GALE: variants seen among roughly 807,000 people sequenced by gnomAD.
GALE encodes UDP-galactose-4-epimerase, also known as UDP-glucose 4-epimerase.
A neutral mutation model predicts 44.1 loss-of-function variants in GALE; 32 were observed. The ratio of observed to expected loss-of-function variants is 0.73; its 90% CI spans 0.55 to 0.97. The LOEUF (loss-of-function observed/expected upper bound fraction) is 0.97, where lower values mean the gene tolerates loss of function less well. GALE is among the 50% of genes least tolerant of loss of function. The pLI is 0.00. For synonymous variants in GALE, 182 were observed against 183.5 expected, an observed-to-expected ratio of 0.99 and a Z score of 0.06; for missense variants, 423 against 455.6, an observed-to-expected ratio of 0.93 and a Z score of 0.65.
Position 23,796,739 on chromosome 1 carries a change from G to A in GALE, c.753C>T (p.His251=), listed in dbSNP as rs766024842. ...YIHVVDLAKG[H]IAALRKLKEQ... The stretch of plus-strand genomic sequence containing the variant: ...CTTTCAGCTTCCTTAAGGCTGCAAT[G>A]TGGCCCTTGGCCAGATCCACGACAT... The change falls in exon 9 of 12, where the codon CAC becomes CAT. Residue 251 remains histidine, a synonymous_variant. Transcript: ENST00000617979. This position sits in a 1 kb window ranked among gnomAD's most constrained non-coding sequence, Gnocchi z 5.2. 1.8e-5 allele frequency: 29 copies of A among 1,612,634 alleles called. No homozygotes were observed. In the South Asian group the frequency reaches 2.9e-4, roughly 16 times the overall value.
At position 23,797,883 on chromosome 1, in the gene GALE, G is replaced by C. The variant is rs1639011125; in HGVS notation, c.352-12C>G. The stretch of plus-strand genomic sequence containing the variant: ...TGGGCCTTCATGATCTGGCCGTGGA[G>C]AGATGGCATCAGTGACCTCTGCCTC... On this transcript the variant is annotated splice_polypyrimidine_tract_variant and intron_variant, in intron 5 of 11. Coordinates refer to ENST00000617979, the MANE Select transcript of GALE (RefSeq NM_001008216.2). 2 of 1,613,944 alleles carry C rather than the reference G, an allele frequency of 1.2e-6. No homozygotes were observed. Among genetic ancestry groups the C allele is most frequent in the South Asian group, 2.2e-5 (2 of 91,086 alleles).
At chr1:23,797,602 T>A (rs1639000589) in intron 6 of GALE, 93 bp downstream of exon 6, 3 of 1,207,490 alleles carry the variant, frequency 2.5e-6, no homozygotes, top group African/African-American at 1.5e-5. Context: ...TCCTCCTTAG[T>A]GGGGGTGTTC....
In GALE at chr1:23,797,651, T is replaced by TC. The variant is rs757681527; in HGVS notation, c.528+43dup. On this transcript the variant is annotated intron_variant, in intron 6 of 11. Transcript: ENST00000617979. The stretch of plus-strand genomic sequence containing the variant: ...TGGGCTCAGGGTGGGCCCTGAGGAG[T>TC]CCATCGATCAGTGGAGCCAGGGCAC... 6 of 1,589,628 alleles carry TC rather than the reference T, an allele frequency of 3.8e-6. No homozygotes were observed. The South Asian group carries it at 6.6e-5, about 18-fold the overall frequency.
chr1:23,800,737 T>A lies in GALE; in HGVS notation c.-102A>T, dbSNP rs1198892973. ...CTGCTCGGGTTCCCGCGCCCCACGC[T>A]TGCTGCAGAGGCACCGCCTCCTACG... is the stretch of plus-strand genomic sequence containing the variant. On this transcript the variant is annotated 5_prime_UTR_variant, in exon 1 of 12. The change creates a new upstream start codon in the 5' untranslated region. Transcript: ENST00000617979. 1.3e-5 allele frequency: 2 copies of A among 152,128 alleles called. No homozygotes were observed. The highest frequency in any genetic ancestry group is 3.9e-4 in the East Asian group (2 of 5,162). 9.4% of individuals were successfully genotyped at this position (152,128 alleles called of 1,614,324 possible).
Position 23,798,765 on chromosome 1 carries a change from A to G in GALE, c.122-35T>C. 6.2e-7 allele frequency: 1 copy of G among 1,604,474 alleles called. No individual in the cohort carries two copies. The highest frequency in any genetic ancestry group is 8.5e-7 in the Non-Finnish European group (1 of 1,171,184). ...TACATGTAGGCCACATCATCACGACATGGGGTGCTGTGTTCCCAGGGACTA... is the reference window on the plus strand; with the variant it reads ...TACATGTAGGCCACATCATCACGACGTGGGGTGCTGTGTTCCCAGGGACTA... On this transcript the variant is annotated intron_variant, in intron 3 of 11. Transcript: ENST00000617979. This position sits in a 1 kb window ranked among gnomAD's most constrained non-coding sequence, Gnocchi z 4.5.
rs771376291 is a variant in GALE, at chr1:23,796,627, G to C, written c.796-41C>G. ...CAGGGTTTATGGAGCGGGCTGGACT[G>C]ACCACGCCTCTGGGCCGCTCTGCCT... is the stretch of plus-strand genomic sequence containing the variant. On this transcript the variant is annotated intron_variant, in intron 9 of 11. Coordinates refer to ENST00000617979, the MANE Select transcript of GALE (RefSeq NM_001008216.2). The surrounding 1 kb of genome is among the most constrained non-coding windows in gnomAD (Gnocchi z 5.2). The C allele has an allele frequency of 1.9e-6, 3 of 1,614,098 alleles. No homozygotes were observed. The highest frequency in any genetic ancestry group is 1.7e-6 in the Non-Finnish European group (2 of 1,180,004).
Position 23,798,998 on chromosome 1 carries a change from T to C in GALE, c.10A>G (p.Lys4Glu). 6.2e-7 allele frequency: 1 copy of C among 1,614,182 alleles called. No homozygotes were observed. The highest frequency in any genetic ancestry group is 8.5e-7 in the Non-Finnish European group (1 of 1,180,030). The change falls in exon 3 of 12, where the codon AAG (lysine) becomes GAG (glutamate). Residue 4 changes from lysine (K) to glutamate (E), a missense_variant. Coordinates refer to ENST00000617979, the MANE Select transcript of GALE (RefSeq NM_001008216.2). This position sits in a 1 kb window ranked among gnomAD's most constrained non-coding sequence, Gnocchi z 4.5. ...CCAGCCCCACCTGTTACCAGCACCT[T>C]CTCTGCCATGGCACCTGGCCCAGGA... MAE[K>E]VLVTGGAGYI...
rs1638938104 is a variant in GALE at position 23,796,061 on chromosome 1, C to T, written c.989-54G>A. ...GCCCACGGTGGAATGCAGAGCCTCC[C>T]CCACCCCACAGCCCGCCCTGGGTGG... On this transcript the variant is annotated intron_variant, in intron 11 of 11. Transcript: ENST00000617979. The surrounding 1 kb of genome is among the most constrained non-coding windows in gnomAD (Gnocchi z 5.2). 2.5e-6 allele frequency: 4 copies of T among 1,607,004 alleles called. No homozygotes were observed. In the Admixed American group the frequency reaches 5.0e-5, roughly 20 times the overall value.
intron 6 of GALE, 114 bp downstream of exon 6, chr1:23,797,581 G>C (rs1022458189): frequency 1.1e-5 from 11 of 1,041,436 alleles, no homozygotes; most frequent in Non-Finnish European, 1.6e-5. Flanking sequence ...GCAACTGCCT[G>C]AGCCTTAGCT....
At position 23,799,506 on chromosome 1, in the gene GALE, C is replaced by G. The variant is rs1036494993; in HGVS notation, c.-76-70G>C. 2.5e-5 allele frequency: 6 copies of G among 240,124 alleles called. No individual in the cohort carries two copies. In the East Asian group the frequency reaches 6.5e-4, roughly 26 times the overall value. 14.9% of individuals were successfully genotyped at this position (240,124 alleles called of 1,614,324 possible). Reference sequence around the variant, plus strand: ...CAGGAAGGGGTTCTGTCTGCTCAGACCCAGGCTTGTCCAATGCCTCCGCCT... The same window carrying G: ...CAGGAAGGGGTTCTGTCTGCTCAGAGCCAGGCTTGTCCAATGCCTCCGCCT... On this transcript the variant is annotated intron_variant, in intron 1 of 11. Transcript: ENST00000617979.
Position 23,796,817 on chromosome 1 carries a change from G to C in GALE, c.710-35C>G, listed in dbSNP as rs1482825461. 6.2e-7 allele frequency: 1 copy of C among 1,607,542 alleles called. No individual in the cohort carries two copies. The highest frequency in any genetic ancestry group is 1.7e-5 in the Admixed American group (1 of 59,018). ...AGGGAGTGTGTTGGATGGGGAGTCT[G>C]TTCCCCCTGACTCTCCTTCCTGGCT... On this transcript the variant is annotated intron_variant, in intron 8 of 11. Transcript: ENST00000617979. The surrounding 1 kb of genome is among the most constrained non-coding windows in gnomAD (Gnocchi z 5.2).
intron 1 of GALE, chr1:23,800,071 G>T (rs936080621): frequency 2.0e-5 from 3 of 152,322 alleles, no homozygotes; most frequent in Non-Finnish European, 4.4e-5. Flanking sequence ...AATTCCCCCA[G>T]CATCTCGGTG....
At chr1:23,799,892 G>C (rs1441040293) in intron 1 of GALE, 1 of 152,432 alleles carries the variant, frequency 6.6e-6, no homozygotes, top group Non-Finnish European at 1.5e-5. Context: ...GGGTAGTACG[G>C]GGAGGAAGCC....
Position 23,798,823 on chromosome 1 carries a change from G to A in GALE, c.121+64C>T. On this transcript the variant is annotated intron_variant, in intron 3 of 11. Coordinates refer to ENST00000617979, the MANE Select transcript of GALE (RefSeq NM_001008216.2). The surrounding 1 kb of genome is among the most constrained non-coding windows in gnomAD (Gnocchi z 4.5). ...ACACATTCCCCGCCCGGTGGTGGAG[G>A]TGGAACCCAGGGTTTTGCTTCTGCC... 2 of 1,613,200 alleles carry A rather than the reference G, an allele frequency of 1.2e-6. No individual in the cohort carries two copies. The highest frequency in any genetic ancestry group is 1.7e-6 in the Non-Finnish European group (2 of 1,179,174).
rs1639044728 is a variant in GALE at position 23,798,787 on chromosome 1, A to T, written c.122-57T>A. ...GACATGGGGTGCTGTGTTCCCAGGGACTAGCCAGACACACATTCCCCGCCC... is the reference window on the plus strand; with the variant it reads ...GACATGGGGTGCTGTGTTCCCAGGGTCTAGCCAGACACACATTCCCCGCCC... On this transcript the variant is annotated intron_variant, in intron 3 of 11. Transcript: ENST00000617979. The surrounding 1 kb of genome is among the most constrained non-coding windows in gnomAD (Gnocchi z 4.5). 1 of 1,609,470 alleles carries T rather than the reference A, an allele frequency of 6.2e-7. No homozygotes were observed. Among genetic ancestry groups the T allele is most frequent in the Non-Finnish European group, 8.5e-7 (1 of 1,175,710 alleles).
Position 23,798,585 on chromosome 1 carries a change from C to T in GALE, c.237+30G>A, listed in dbSNP as rs1020521019. Reference sequence around the variant, plus strand: ...CCTTCCAAAGTGCTGGAATTACAGGCGTGAGCCACCGTGCCCAGCCTGCAC... The same window carrying T: ...CCTTCCAAAGTGCTGGAATTACAGGTGTGAGCCACCGTGCCCAGCCTGCAC... On this transcript the variant is annotated intron_variant, in intron 4 of 11. Transcript: ENST00000617979. This position sits in a 1 kb window ranked among gnomAD's most constrained non-coding sequence, Gnocchi z 4.5. 8.0e-6 allele frequency: 12 copies of T among 1,499,504 alleles called. No homozygotes were observed. The highest frequency in any genetic ancestry group is 1.1e-5 in the South Asian group (1 of 88,902). 92.9% of individuals were successfully genotyped at this position (1,499,504 alleles called of 1,614,324 possible). A position where few individuals can be genotyped will look rare whatever the true frequency, so the allele number is the denominator to read the frequency against.
At position 23,799,388 on chromosome 1, in the gene GALE, T is replaced by A; in HGVS notation, c.-28A>T. On this transcript the variant is annotated 5_prime_UTR_variant, in exon 2 of 12. Transcript: ENST00000617979. ...TGCCTTGGAGTTGGAAAAGATGGAA[T>A]CTGAGGATCCACACTTCTTTGTCCA... 3.0e-6 allele frequency: 1 copy of A among 337,186 alleles called. No individual in the cohort carries two copies. The allele number at this position is 337,186 out of a possible 1,614,324, so 20.9% of individuals were successfully genotyped here.
At position 23,798,126 on chromosome 1, in the gene GALE, C is replaced by G. The variant is rs1168208588; in HGVS notation, c.342G>C (p.Gln114His). ...YYRVNLTGTI[Q>H]LLEIMKAHGV... is the part of the protein sequence containing the mutation. ...GTCCCATGCCTCTCACCTCCAGAAG[C>G]TGGATGGTCCCGGTCAGGTTAACTC... Residue 114 changes from glutamine to histidine, a missense_variant, in exon 5 of 12, where the codon CAG becomes CAC. Physicochemically the swap from Gln to His is conservative, Grantham distance 24. Coordinates refer to ENST00000617979, the MANE Select transcript of GALE (RefSeq NM_001008216.2). This position sits in a 1 kb window ranked among gnomAD's most constrained non-coding sequence, Gnocchi z 4.5. 6.2e-7 allele frequency: 1 copy of G among 1,613,406 alleles called. No individual in the cohort carries two copies. Among genetic ancestry groups the G allele is most frequent in the East Asian group, 2.2e-5 (1 of 44,868 alleles).
Position 23,795,856 on chromosome 1 carries a change from C to G in GALE, c.*93G>C. 7.6e-7 allele frequency: 1 copy of G among 1,323,072 alleles called. No individual in the cohort carries two copies. Among genetic ancestry groups the G allele is most frequent in the Non-Finnish European group, 1.1e-6 (1 of 928,128 alleles). 82.0% of individuals were successfully genotyped at this position (1,323,072 alleles called of 1,614,324 possible). On this transcript the variant is annotated 3_prime_UTR_variant, in exon 12 of 12. Transcript: ENST00000617979. ...GGGTTTGAGGTAGGGGAGGCCTTGG[C>G]TTGGCCCCAGCAGCTCCAGGGCCCT...
Sources: allele counts gnomAD v4.1 joint callset, GRCh38; gene constraint gnomAD v4.1.1; non-coding constraint Gnocchi (gnomAD v3.1); transcripts MANE v1.5; gene names NCBI Gene and HGNC (gene_info 2026-07-23, HGNC 2026-07-21).